MBOAT7: variants seen among roughly 807,000 people sequenced by gnomAD.
MBOAT7 encodes the protein membrane-bound acylglycerophosphatidylinositol O-acyltransferase MBOAT7.
Under a neutral mutation model 47.4 loss-of-function variants are expected in MBOAT7, and 40 were observed. The observed-to-expected ratio is 0.84, with a 90% CI of 0.66 to 1.10. MBOAT7 has a LOEUF of 1.10. Ranked by LOEUF, MBOAT7 falls within the 50% of genes least tolerant of loss-of-function variation. The pLI is 0.00. For synonymous variants in MBOAT7, 361 were observed against 292.0 expected, an observed-to-expected ratio of 1.24 and a Z score of -2.41; for missense variants, 680 against 655.6, an observed-to-expected ratio of 1.04 and a Z score of -0.41.
chr19:54,177,515 T>G (rs2076142169), intron 7 of MBOAT7, among the ~76,000 whole-genome samples: 1 of 152,106 alleles, frequency 6.6e-6, no homozygotes, highest in African/African-American at 2.4e-5. Flanking sequence ...CAGGATGGTC[T>G]TGATCTCCTG....
chr19:54,188,390 G>T, intron 2 of MBOAT7, 43 bp downstream of exon 2: 1 of 1,595,348 alleles, frequency 6.3e-7, no homozygotes, highest in Non-Finnish European at 8.5e-7. Flanking sequence ...CTTCCAGAGG[G>T]TCCCCCCCCT....
intron 4 of MBOAT7, 125 bp downstream of exon 4, chr19:54,187,036 G>A: frequency 8.2e-7 from 1 of 1,218,120 alleles, no homozygotes; most frequent in South Asian, 1.5e-5. Context: ...AGCAAGTGAG[G>A]TGACGTCCCA....
chr19:54,178,578 G>A lies in MBOAT7; in HGVS notation c.1031+187C>T, dbSNP rs73048745. ...AGAAGTAGCAACTGAGGCCCCGAGA[G>A]GGGGAACGATTTTACACCGGCATGC... On this transcript the variant is annotated intron_variant, in intron 7 of 7. Transcript: ENST00000245615. The A allele has an allele frequency of 2.7e-5, 39 of 1,427,102 alleles. No individual in the cohort carries two copies. In the East Asian group the frequency reaches 4.6e-4, roughly 17 times the overall value. 88.4% of individuals were successfully genotyped at this position (1,427,102 alleles called of 1,614,324 possible). A position where few individuals can be genotyped will look rare whatever the true frequency, so the allele number is the denominator to read the frequency against.
intron 7 of MBOAT7, 187 bp downstream of exon 7, chr19:54,178,578 G>C (rs73048745): frequency 1.3e-5 from 19 of 1,427,220 alleles, no homozygotes; most frequent in Admixed American, 9.0e-5. Flanking sequence ...GGCCCCGAGA[G>C]GGGGAACGAT....
intron 5 of MBOAT7, 141 bp from the exon 6 acceptor site, chr19:54,181,274 G>A (rs2076264082): frequency 2.0e-6 from 2 of 1,014,838 alleles, no homozygotes; most frequent in Non-Finnish European, 2.7e-6. Context: ...GAGACCCCAA[G>A]GGTAGGGACT....
At chr19:54,174,542 C>G (rs1040769480) in intron 7 of MBOAT7, 111 bp from the exon 8 acceptor site, 4 of 1,135,938 alleles carry the variant, frequency 3.5e-6, no homozygotes, top group Non-Finnish European at 4.8e-6. Context: ...CCGAGAAGTG[C>G]AGGCCCAGCC....
chr19:54,184,904 CAA>C (rs71195748), intron 4 of MBOAT7, among the ~76,000 whole-genome samples: 12 of 88,382 alleles, frequency 1.4e-4, no homozygotes, highest in African/African-American at 3.2e-4. Flanking sequence ...AACTCCGTCT[CAA>C]AAAAAAAAAA....
intron 2 of MBOAT7, 34 bp from the exon 3 acceptor site, chr19:54,188,380 C>A (rs1427118171): frequency 6.2e-7 from 1 of 1,603,818 alleles, no homozygotes; most frequent in African/African-American, 1.3e-5. Flanking sequence ...AGCCTGGAAC[C>A]TTCCAGAGGG....
At chr19:54,176,913 AAATAAT>A (rs968562969) in intron 7 of MBOAT7, among the ~76,000 whole-genome samples, 3 of 151,978 alleles carry the variant, frequency 2.0e-5, no homozygotes, top group Non-Finnish European at 2.9e-5. Flanking sequence ...AGTAAAAAAA[AAATAAT>A]AATAATACTT....
In MBOAT7 at chr19:54,178,845, C is replaced by A; in HGVS notation, c.951G>T (p.Met317Ile). Residue 317 changes from methionine to isoleucine, a missense_variant, in exon 7 of 8, where the codon ATG becomes ATT. By Grantham distance (10) the Met-to-Ile change is conservative (BLOSUM62 1). Coordinates refer to ENST00000245615, the MANE Select transcript of MBOAT7 (RefSeq NM_024298.5). ...ACTGCACCGTCATGTTCCAGTACCGCATGCCATCGCGCACCCGCACGCAGA... is the reference window on the plus strand; with the variant it reads ...ACTGCACCGTCATGTTCCAGTACCGAATGCCATCGCGCACCCGCACGCAGA... The part of the protein sequence containing the change: ...TDFCVRVRDG[M>I]RYWNMTVQWW... 6.2e-7 allele frequency: 1 copy of A among 1,613,732 alleles called. No homozygotes were observed. Among genetic ancestry groups the A allele is most frequent in the Non-Finnish European group, 8.5e-7 (1 of 1,180,028 alleles).
chr19:54,174,505 C>A (rs1410743769), intron 7 of MBOAT7, 74 bp from the exon 8 acceptor site: 3 of 1,410,122 alleles, frequency 2.1e-6, no homozygotes, highest in Non-Finnish European at 2.8e-6. Flanking sequence ...TCCAGGAGTC[C>A]AGGACCCCAG....
chr19:54,188,034 A>AAGGAAGGAAGGAAGGAAGGAAGG (rs2076490472), intron 3 of MBOAT7, among the ~76,000 whole-genome samples, 183 bp downstream of exon 3: 1 of 116,006 alleles, frequency 8.6e-6, no homozygotes, highest in African/African-American at 3.8e-5. Flanking sequence ...AGAAAGAAAG[A>AAGGAAGGAAGGAAGGAAGGAAGG]AAGAAAGAAA....
At chr19:54,184,760 C>T (rs528785495) in intron 4 of MBOAT7, among the ~76,000 whole-genome samples, 45 of 152,006 alleles carry the variant, frequency 3.0e-4, no homozygotes, top group African/African-American at 1.1e-3. Context: ...AAAAATTAGC[C>T]GGGCATGGTG....
intron 5 of MBOAT7, among the ~76,000 whole-genome samples, chr19:54,181,682 G>A (rs1448749543): frequency 8.9e-6 from 1 of 112,076 alleles, no homozygotes. Context: ...AAGGAGGGAA[G>A]GAAGGAGGGA....
chr19:54,177,843 C>A lies in MBOAT7; in HGVS notation c.1031+922G>T, dbSNP rs576142682. ...AAGATGATCCACCTGCCTGGGCCTCCCAAACTGCTGGGATTACAAGTGTGA... is the reference window on the plus strand; with the variant it reads ...AAGATGATCCACCTGCCTGGGCCTCACAAACTGCTGGGATTACAAGTGTGA... On this transcript the variant is annotated intron_variant, in intron 7 of 7. Transcript: ENST00000245615. Among the ~76,000 whole-genome samples the A allele has an allele frequency of 4.0e-5, 6 of 150,222 alleles. No individual in the cohort carries two copies. In the South Asian group the frequency reaches 1.3e-3, roughly 32 times the overall value.
chr19:54,173,991 G>C lies in MBOAT7; in HGVS notation c.*53C>G, dbSNP rs926598101. 1.3e-6 allele frequency: 2 copies of C among 1,519,744 alleles called. No individual in the cohort carries two copies. Among genetic ancestry groups the C allele is most frequent in the African/African-American group, 2.8e-5 (2 of 71,418 alleles). The allele number at this position is 1,519,744 out of a possible 1,614,324, so 94.1% of individuals were successfully genotyped here. On this transcript the variant is annotated 3_prime_UTR_variant, in exon 8 of 8. Coordinates refer to ENST00000245615, the MANE Select transcript of MBOAT7 (RefSeq NM_024298.5). ...GACTCTTTCTGGGGAGGAGACAGCA[G>C]CCTGGTTCACAGAATTCCCGGGACC...
In MBOAT7 at chr19:54,178,944, G is replaced by A. The variant is rs1456512186; in HGVS notation, c.855-3C>T. The A allele has an allele frequency of 2.5e-6, 4 of 1,611,788 alleles. No homozygotes were observed. Among genetic ancestry groups the A allele is most frequent in the Non-Finnish European group, 3.4e-6 (4 of 1,179,314 alleles). ...CCAAGGAAGCCGCCTTCTCCGGACT[G>A]GGGGGTGGAGGATGAGGGTGGGGGA... On this transcript the variant is annotated splice_region_variant and splice_polypyrimidine_tract_variant and intron_variant, in intron 6 of 7. Coordinates refer to ENST00000245615, the MANE Select transcript of MBOAT7 (RefSeq NM_024298.5).
chr19:54,175,166 G>C (rs1022028024), intron 7 of MBOAT7, among the ~76,000 whole-genome samples: 4 of 152,226 alleles, frequency 2.6e-5, no homozygotes, highest in African/African-American at 7.2e-5. Context: ...TTTTAGTAGA[G>C]ACGGGGTTTC....
intron 4 of MBOAT7, among the ~76,000 whole-genome samples, chr19:54,184,605 T>A (rs953837954): frequency 6.6e-6 from 1 of 151,756 alleles, no homozygotes; most frequent in Admixed American, 6.6e-5. Context: ...ACACACCCTT[T>A]AAAAAAAATA....
Sources: gnomAD v4.1 joint callset for allele counts (sites outside exome capture counted in the v4.1 genomes callset) on GRCh38, gnomAD v4.1.1 for gene constraint, MANE v1.5 for transcripts, NCBI Gene and HGNC (gene_info 2026-07-23, HGNC 2026-07-21) for gene names.